Variants in ATP6V1C1 observed in about 807,000 individuals in gnomAD.
The protein encoded by ATP6V1C1 is ATPase H+ transporting V1 subunit C1.
ATP6V1C1 carries 45 observed loss-of-function variants against 53.9 expected under a neutral mutation model. That is an observed-to-expected ratio of 0.83 (90% confidence interval 0.66 to 1.07). The LOEUF (loss-of-function observed/expected upper bound fraction) is 1.07. Ranked by LOEUF, ATP6V1C1 falls within the 50% of genes least tolerant of loss-of-function variation. The probability of loss-of-function intolerance (pLI) is 0.00; values close to 1 mark genes in which losing one functional copy is unlikely to be tolerated. For synonymous variants in ATP6V1C1, 153 were observed against 155.2 expected, an observed-to-expected ratio of 0.99 and a Z score of 0.11; for missense variants, 315 against 440.3, an observed-to-expected ratio of 0.72 and a Z score of 2.55.
chr8:103,023,525 C>G (rs994825868), intron 1 of ATP6V1C1, among the ~76,000 whole-genome samples: 1 of 151,934 alleles, frequency 6.6e-6, no homozygotes, highest in Non-Finnish European at 1.5e-5. Flanking sequence ...TAACTACCCT[C>G]GAGGCAGTCC....
At chr8:103,056,549 GGAA>G (rs1261363092) in intron 8 of ATP6V1C1, among the ~76,000 whole-genome samples, 14 of 152,176 alleles carry the variant, frequency 9.2e-5, no homozygotes, top group Non-Finnish European at 4.4e-5. Context: ...TTATTCTCAA[GGAA>G]GAAGAAGTTA....
intron 1 of ATP6V1C1, among the ~76,000 whole-genome samples, chr8:103,038,314 C>T (rs1418974125): frequency 6.6e-6 from 1 of 152,164 alleles, no homozygotes; most frequent in East Asian, 1.9e-4. Context: ...GTCCAAGACG[C>T]AAGGCCTCTT....
chr8:103,053,485 G>T (rs911386034), intron 6 of ATP6V1C1, among the ~76,000 whole-genome samples: 4 of 151,898 alleles, frequency 2.6e-5, no homozygotes, highest in African/African-American at 9.7e-5. Flanking sequence ...AAATTGCCTA[G>T]TATCAAATGA....
intron 1 of ATP6V1C1, among the ~76,000 whole-genome samples, chr8:103,024,318 T>C (rs1158800687): frequency 2.0e-5 from 3 of 152,234 alleles, no homozygotes; most frequent in Admixed American, 2.0e-4. Context: ...TTTGGTATAT[T>C]AGTCTTAGGA....
At chr8:103,023,034 C>G (rs954331157) in intron 1 of ATP6V1C1, among the ~76,000 whole-genome samples, 1 of 152,176 alleles carries the variant, frequency 6.6e-6, no homozygotes, top group Non-Finnish European at 1.5e-5. Flanking sequence ...TCCTGGGAAA[C>G]AGAGCTAGAC....
chr8:103,062,017 A>G (rs1817406945), intron 8 of ATP6V1C1, among the ~76,000 whole-genome samples: 1 of 152,154 alleles, frequency 6.6e-6, no homozygotes, highest in Non-Finnish European at 1.5e-5. Flanking sequence ...TTGTGTCTGG[A>G]AAGGTCTTTC....
intron 1 of ATP6V1C1, among the ~76,000 whole-genome samples, chr8:103,030,145 T>G (rs1243135835): frequency 5.3e-5 from 8 of 152,138 alleles, no homozygotes; most frequent in Non-Finnish European, 1.2e-4. Context: ...AAGCTGCAGC[T>G]GTTTTTTTTT....
At chr8:103,023,909 G>GTT (rs1200202141) in intron 1 of ATP6V1C1, among the ~76,000 whole-genome samples, 28 of 151,682 alleles carry the variant, frequency 1.8e-4, no homozygotes, top group African/African-American at 6.5e-4. Flanking sequence ...TTTTTTTGGG[G>GTT]GGGGGGAACT....
intron 2 of ATP6V1C1, 60 bp downstream of exon 2, chr8:103,041,028 C>T (rs1816990908): frequency 3.9e-6 from 6 of 1,535,276 alleles, no homozygotes; most frequent in Non-Finnish European, 5.3e-6. Context: ...GGCCAGTTCT[C>T]TCTTTTAGTG....
Position 103,066,439 on chromosome 8 carries a change from AT to A in ATP6V1C1, c.1047del (p.Ile350LeufsTer10). 6.3e-7 allele frequency: 1 copy of A among 1,596,940 alleles called. No homozygotes were observed. Among genetic ancestry groups the A allele is most frequent in the Admixed American group, 1.8e-5 (1 of 54,708 alleles). On this transcript the variant is annotated frameshift_variant, in exon 12 of 13. Transcript: ENST00000518738. LOFTEE classifies it high-confidence loss of function. ...YKHLDSSAAA[I>X]IDAPMDIPGL... ...ACATCTAGACAGCAGTGCAGCAGCT[AT>A]TATTGATGTAAGTACTTATTAGCCC...
chr8:103,066,587 G>C, intron 12 of ATP6V1C1, 140 bp downstream of exon 12: 1 of 937,656 alleles, frequency 1.1e-6, no homozygotes, highest in Non-Finnish European at 1.5e-6. Context: ...AATTTGTTAT[G>C]TAAACATAGT....
chr8:103,039,681 T>A lies in ATP6V1C1; in HGVS notation c.-39-1117T>A, dbSNP rs185172698. 1.3e-5 allele frequency among the ~76,000 whole-genome samples: 2 copies of A among 152,268 alleles called. 1 individual carries two copies. The highest frequency in any genetic ancestry group is 1.3e-4 in the Admixed American group (2 of 15,288). On this transcript the variant is annotated intron_variant, in intron 1 of 12. Transcript: ENST00000518738. ...TGTTTATGTGCTTTACCTACCTAGA[T>A]TCTGAATAGATTTGTCTCTGTACTT...
chr8:103,067,603 T>C lies in ATP6V1C1; in HGVS notation c.1054-1049T>C, dbSNP rs536503551. Among the ~76,000 whole-genome samples the C allele has an allele frequency of 7.2e-3, 1,075 of 148,370 alleles. 5 individuals carry two copies. The highest frequency in any genetic ancestry group is 0.017 in the South Asian group (78 of 4,626). On this transcript the variant is annotated intron_variant, in intron 12 of 12. Transcript: ENST00000518738. ...GCTACACTTTTTTTCTTTTTCTTTT[T>C]TTTTTTTTTTTTTTCGAGATGGAGT...
chr8:103,058,528 C>T (rs1328557402), intron 8 of ATP6V1C1, among the ~76,000 whole-genome samples: 3 of 152,146 alleles, frequency 2.0e-5, no homozygotes, highest in African/African-American at 4.8e-5. Flanking sequence ...TCATCACAAC[C>T]AGCATTTTTG....
intron 4 of ATP6V1C1, among the ~76,000 whole-genome samples, chr8:103,050,471 G>A (rs904982326): frequency 4.0e-5 from 6 of 151,014 alleles, no homozygotes; most frequent in South Asian, 2.1e-4. Context: ...TGGTTTCACC[G>A]TTCTTGATCC....
chr8:103,063,368 C>G, intron 10 of ATP6V1C1, 140 bp downstream of exon 10: 2 of 586,588 alleles, frequency 3.4e-6, no homozygotes, highest in Non-Finnish European at 5.8e-6. Context: ...ATTGAATAAT[C>G]AGAATGAATT....
At chr8:103,040,771 ATTTT>A in intron 1 of ATP6V1C1, 23 bp from the exon 2 acceptor site, 1 of 1,547,092 alleles carries the variant, frequency 6.5e-7, no homozygotes, top group African/African-American at 1.4e-5. Flanking sequence ...TTTAAATGTG[ATTTT>A]TTTTATTTGT....
At chr8:103,063,099 A>G (rs1286544307) in intron 9 of ATP6V1C1, 36 bp from the exon 10 acceptor site, 3 of 1,610,416 alleles carry the variant, frequency 1.9e-6, no homozygotes, top group Non-Finnish European at 2.5e-6. Flanking sequence ...GCTGTATACA[A>G]TGTGAACAAT....
chr8:103,046,401 G>A (rs1817097652), intron 3 of ATP6V1C1, among the ~76,000 whole-genome samples: 1 of 151,842 alleles, frequency 6.6e-6, no homozygotes. Context: ...TTGTGGACAT[G>A]GAGTCTTGCT....
Sources: allele counts gnomAD v4.1 joint callset (sites outside exome capture counted in the v4.1 genomes callset), GRCh38; gene constraint gnomAD v4.1.1; transcripts MANE v1.5; gene names NCBI Gene and HGNC (gene_info 2026-07-23, HGNC 2026-07-21).